SMOC2: variants seen among roughly 807,000 people sequenced by gnomAD.
SMOC2 encodes SPARC-related modular calcium-binding protein 2.
In SMOC2, 39 loss-of-function variants were observed where a neutral mutation model predicts 61.4. That is an observed-to-expected ratio of 0.64 (90% CI 0.49 to 0.83). SMOC2 has a LOEUF of 0.83. Among genes scored for constraint, SMOC2 ranks in the 40% least tolerant of loss-of-function variants. The probability of loss-of-function intolerance (pLI) is 0.00; values close to 1 mark genes in which losing one functional copy is unlikely to be tolerated. For synonymous variants in SMOC2, 247 were observed against 239.9 expected (o/e 1.03, Z -0.27); for missense variants, 556 against 592.9 (o/e 0.94, Z 0.65).
At chr6:168,525,205 G>C (rs1175065849) in intron 2 of SMOC2, among the ~76,000 whole-genome samples, 1 of 152,232 alleles carries the variant, frequency 6.6e-6, no homozygotes, top group African/African-American at 2.4e-5. Flanking sequence ...ATGCATGTGT[G>C]TTCTGCTTCC....
chr6:168,663,992 A>G (rs1787587286), intron 11 of SMOC2, 82 bp from the exon 12 acceptor site: 1 of 1,167,738 alleles, frequency 8.6e-7, no homozygotes, highest in Non-Finnish European at 1.2e-6. Context: ...AGTGATGTGG[A>G]CTCCTTCCTG....
intron 9 of SMOC2, among the ~76,000 whole-genome samples, chr6:168,635,628 T>C (rs1346687111): frequency 2.0e-5 from 3 of 152,202 alleles, no homozygotes; most frequent in Non-Finnish European, 4.4e-5. Flanking sequence ...CCCAGCATTT[T>C]GGGAGGCCGA....
At chr6:168,655,668 C>G (rs1583191231) in intron 11 of SMOC2, among the ~76,000 whole-genome samples, 1 of 151,270 alleles carries the variant, frequency 6.6e-6, no homozygotes, top group African/African-American at 2.4e-5. Flanking sequence ...CACGTGTGTA[C>G]TAGATTTCCC....
intron 1 of SMOC2, among the ~76,000 whole-genome samples, chr6:168,481,011 C>T (rs543666936): frequency 1.3e-5 from 2 of 152,128 alleles, no homozygotes; most frequent in African/African-American, 4.8e-5. Context: ...AGGAACAGTT[C>T]AAAAATTAAG....
intron 1 of SMOC2, among the ~76,000 whole-genome samples, chr6:168,481,585 A>T (rs1782207638): frequency 6.6e-6 from 1 of 152,090 alleles, no homozygotes; most frequent in Non-Finnish European, 1.5e-5. Context: ...ACAAAATAAG[A>T]CAGGACATGC....
At position 168,648,064 on chromosome 6, in the gene SMOC2, A is replaced by T. The variant is rs945203070; in HGVS notation, c.908-2617A>T. On this transcript the variant is annotated intron_variant, in intron 9 of 12. Transcript: ENST00000356284. The stretch of plus-strand genomic sequence containing the variant: ...CATTTGGGGGAATATGATTAAATTA[A>T]CAGCCAAAAAAAATCCCCCTGGGTG... Among the ~76,000 whole-genome samples the T allele has an allele frequency of 5.1e-5, 7 of 137,160 alleles. No homozygotes were observed. The East Asian group carries it at 1.3e-3, about 26-fold the overall frequency. 90.0% of individuals were successfully genotyped at this position (137,160 alleles called of 152,430 possible). A position where few individuals can be genotyped will look rare whatever the true frequency, so the allele number is the denominator to read the frequency against.
At position 168,514,760 on chromosome 6, in the gene SMOC2, C is replaced by T. The variant is rs147817650; in HGVS notation, c.256+4674C>T. On this transcript the variant is annotated intron_variant, in intron 2 of 12. Transcript: ENST00000356284. ...GGAATTTCATCTTCCCTTTTCTTGC[C>T]GTGTTCCCTTAGATAACTCCAGTCG... 6.8e-3 allele frequency among the ~76,000 whole-genome samples: 1,039 copies of T among 152,286 alleles called. 8 individuals carry two copies. Among genetic ancestry groups the T allele is most frequent in the South Asian group, 0.016 (76 of 4,824 alleles).
rs182023512 is a variant in SMOC2, at chr6:168,585,638, C to T, written c.638-13180C>T. 1.5e-3 allele frequency among the ~76,000 whole-genome samples: 227 copies of T among 152,324 alleles called. 1 individual carries two copies. The highest frequency in any genetic ancestry group is 5.0e-3 in the African/African-American group (209 of 41,582). ...CTCACAGGAGGAATGTCCGAGGCCT[C>T]CCACTGCTCCTCAGCTCAGCTGGCC... is the stretch of plus-strand genomic sequence containing the variant. On this transcript the variant is annotated intron_variant, in intron 7 of 12. Coordinates refer to ENST00000356284, the MANE Select transcript of SMOC2 (RefSeq NM_001166412.2).
In SMOC2 at chr6:168,653,046, G is replaced by T. The variant is rs1267815922; in HGVS notation, c.1103G>T (p.Gly368Val). The change falls in exon 11 of 13, where the codon GGC becomes GTC. Residue 368 changes from glycine (G) to valine (V), a missense_variant. Transcript: ENST00000356284. ...LLDKNSSGDI[G>V]KKEIKPFKRF... ...GATAAAAACTCCAGTGGAGACATCG[G>T]CAAAAAGGAAATCAAACCCTTCAAG... The T allele has an allele frequency of 4.3e-6, 7 of 1,613,964 alleles. No individual in the cohort carries two copies. The highest frequency in any genetic ancestry group is 5.9e-6 in the Non-Finnish European group (7 of 1,180,026).
chr6:168,655,946 A>T (rs1416924084), intron 11 of SMOC2, among the ~76,000 whole-genome samples: 6 of 150,670 alleles, frequency 4.0e-5, no homozygotes, highest in Non-Finnish European at 8.9e-5. Context: ...TGTGTGCTGG[A>T]TCCCCCGTAT....
intron 7 of SMOC2, among the ~76,000 whole-genome samples, chr6:168,554,886 C>T (rs767435594): frequency 5.3e-4 from 80 of 152,308 alleles, no homozygotes; most frequent in Admixed American, 2.0e-3. Context: ...CCCAAGATGC[C>T]GGGGGCATCT....
At chr6:168,494,073 T>G (rs1244436941) in intron 1 of SMOC2, among the ~76,000 whole-genome samples, 2 of 152,182 alleles carry the variant, frequency 1.3e-5, no homozygotes, top group Non-Finnish European at 2.9e-5. Context: ...TAAACCTCAT[T>G]GTTTTCTTGG....
chr6:168,564,475 A>T (rs758429088), intron 7 of SMOC2, among the ~76,000 whole-genome samples: 2 of 152,166 alleles, frequency 1.3e-5, no homozygotes, highest in Non-Finnish European at 2.9e-5. Context: ...ATGTATGTGG[A>T]TTTAATGTAT....
chr6:168,586,082 A>G (rs1785042273), intron 7 of SMOC2, among the ~76,000 whole-genome samples: 1 of 152,096 alleles, frequency 6.6e-6, no homozygotes, highest in Non-Finnish European at 1.5e-5. Context: ...TATCTCAATA[A>G]TAGTCTCCAT....
At chr6:168,514,277 G>A (rs1413252266) in intron 2 of SMOC2, among the ~76,000 whole-genome samples, 3 of 152,076 alleles carry the variant, frequency 2.0e-5, no homozygotes, top group Non-Finnish European at 1.5e-5. Flanking sequence ...AGTGTGTCTC[G>A]TTCCACACAC....
intron 7 of SMOC2, among the ~76,000 whole-genome samples, chr6:168,563,263 G>T (rs1784462915): frequency 6.6e-6 from 1 of 151,628 alleles, no homozygotes; most frequent in South Asian, 2.1e-4. Context: ...ACACAATATC[G>T]ATGTATGTAT....
At position 168,453,340 on chromosome 6, in the gene SMOC2, G is replaced by C. The variant is rs528590126; in HGVS notation, c.84+11886G>C. Among the ~76,000 whole-genome samples the C allele has an allele frequency of 5.3e-4, 80 of 152,228 alleles. No homozygotes were observed. The highest frequency in any genetic ancestry group is 1.9e-3 in the African/African-American group (77 of 41,552). On this transcript the variant is annotated intron_variant, in intron 1 of 12. Transcript: ENST00000356284. The surrounding 1 kb of genome is among the most constrained non-coding windows in gnomAD (Gnocchi z 4.4). The stretch of plus-strand genomic sequence containing the variant: ...TTTCGGGCTGTGCCTTTGTCTCCGG[G>C]TCTCCTCCTCACTCTTCTCAGTCTA...
At chr6:168,637,387 G>T (rs1786766775) in intron 9 of SMOC2, among the ~76,000 whole-genome samples, 1 of 152,152 alleles carries the variant, frequency 6.6e-6, no homozygotes, top group African/African-American at 2.4e-5. Flanking sequence ...GCGTCCACAG[G>T]ACAGCTGAAG....
chr6:168,579,467 T>G (rs951683613), intron 7 of SMOC2, among the ~76,000 whole-genome samples: 6 of 152,254 alleles, frequency 3.9e-5, no homozygotes, highest in Non-Finnish European at 7.3e-5. Flanking sequence ...ATTGTTTTTG[T>G]AAGGCTTCCA....
Sources: gnomAD v4.1 joint callset for allele counts (sites outside exome capture counted in the v4.1 genomes callset) on GRCh38, gnomAD v4.1.1 for gene constraint, Gnocchi (gnomAD v3.1) non-coding constraint, MANE v1.5 for transcripts, NCBI Gene and HGNC (gene_info 2026-07-23, HGNC 2026-07-21) for gene names.